Variants in MTAP observed in about 807,000 individuals in gnomAD.
MTAP encodes methylthioadenosine phosphorylase.
MTAP carries 33 observed loss-of-function variants against 33.6 expected under a neutral mutation model. That is an observed-to-expected ratio of 0.98 (90% CI 0.74 to 1.31). The LOEUF (loss-of-function observed/expected upper bound fraction) is 1.31. MTAP is among the 40% of genes most tolerant of loss of function. MTAP has a pLI of 0.00. For synonymous variants in MTAP, 148 were observed against 125.7 expected (o/e 1.18, Z -1.19); for missense variants, 367 against 360.0 (o/e 1.02, Z -0.16).
In MTAP at chr9:21,816,842, G is replaced by T; in HGVS notation, c.179+70G>T. ...TTAAATTTAACTTAAATTCTGGAAA[G>T]AGTAAAGATACAGGTCTGAGCTTTT... is the stretch of plus-strand genomic sequence containing the variant. On this transcript the variant is annotated intron_variant, in intron 3 of 7. Coordinates refer to ENST00000644715, the MANE Select transcript of MTAP (RefSeq NM_002451.4). 7.5e-6 allele frequency: 10 copies of T among 1,341,472 alleles called. No individual in the cohort carries two copies. In the Admixed American group the frequency reaches 1.7e-4, roughly 23 times the overall value. The allele number at this position is 1,341,472 out of a possible 1,614,324, so 83.1% of individuals were successfully genotyped here.
downstream of MTAP, among the ~76,000 whole-genome samples, chr9:21,870,379 G>T (rs957444549): frequency 6.6e-6 from 1 of 152,182 alleles, no homozygotes; most frequent in Non-Finnish European, 1.5e-5. Context: ...GTCATTTACT[G>T]ATATCCTAAA....
At chr9:21,812,545 A>G (rs1403232849) in intron 1 of MTAP, among the ~76,000 whole-genome samples, 2 of 152,204 alleles carry the variant, frequency 1.3e-5, no homozygotes, top group African/African-American at 4.8e-5. Context: ...TACACAGTCT[A>G]GAATTAACTG....
chr9:21,803,027 CACACACA>C, intron 1 of MTAP: 11 of 1,050,526 alleles, frequency 1.0e-5, no homozygotes, highest in African/African-American at 3.5e-5. Flanking sequence ...CACACACACA[CACACACA>C]CACCACCTTT....
At chr9:21,823,241 T>C (rs1824694042) in intron 4 of MTAP, among the ~76,000 whole-genome samples, 2 of 152,222 alleles carry the variant, frequency 1.3e-5, no homozygotes, top group African/African-American at 2.4e-5. Context: ...CTTTATATTT[T>C]GGCATGTTTT....
At chr9:21,920,620 A>G (rs1320572501) in intron 1 of MTAP, among the ~76,000 whole-genome samples, 1 of 152,154 alleles carries the variant, frequency 6.6e-6, no homozygotes, top group East Asian at 1.9e-4. Flanking sequence ...ACAATTCTCT[A>G]TGGATATTTT....
At chr9:21,873,927 A>C (rs575554660) in intron 1 of MTAP, among the ~76,000 whole-genome samples, 19 of 152,130 alleles carry the variant, frequency 1.2e-4, no homozygotes, top group Admixed American at 6.6e-4. Context: ...GGAATAAAAA[A>C]AATTTGATTA....
chr9:21,893,486 A>G (rs904856174), intron 1 of MTAP: 2 of 152,208 alleles, frequency 1.3e-5, no homozygotes, highest in Non-Finnish European at 2.9e-5. Context: ...GAAAAAATAA[A>G]TAAGATTGAA....
chr9:21,819,918 T>G (rs1788697687), intron 4 of MTAP, among the ~76,000 whole-genome samples: 1 of 152,382 alleles, frequency 6.6e-6, no homozygotes, highest in Non-Finnish European at 1.5e-5. Context: ...TTCATGTGTC[T>G]TTTGGCTGCA....
chr9:21,921,348 C>A (rs1818784602), intron 1 of MTAP, among the ~76,000 whole-genome samples: 2 of 151,878 alleles, frequency 1.3e-5, no homozygotes, highest in African/African-American at 4.8e-5. Flanking sequence ...TTCAAAAAAA[C>A]CTTTTTGTTG....
chr9:21,823,169 C>T (rs1011504678), intron 4 of MTAP, among the ~76,000 whole-genome samples: 1 of 152,140 alleles, frequency 6.6e-6, no homozygotes, highest in African/African-American at 2.4e-5. Context: ...GATCCTGTCA[C>T]TATGATGTTA....
intron 5 of MTAP, among the ~76,000 whole-genome samples, chr9:21,851,793 A>G (rs1382868256): frequency 6.6e-6 from 1 of 152,182 alleles, no homozygotes; most frequent in African/African-American, 2.4e-5. Context: ...CAGCATGGCT[A>G]GGATATAAGC....
At chr9:21,857,462 T>C (rs1178520995) in intron 6 of MTAP, among the ~76,000 whole-genome samples, 1 of 152,194 alleles carries the variant, frequency 6.6e-6, no homozygotes, top group East Asian at 1.9e-4. Flanking sequence ...CTTAAGGAAA[T>C]AGAAAGATGT....
intron 1 of MTAP, among the ~76,000 whole-genome samples, chr9:21,874,649 C>T (rs899616391): frequency 6.6e-6 from 1 of 151,200 alleles, no homozygotes; most frequent in South Asian, 2.1e-4. Context: ...ACTCTGGACT[C>T]AGTTCCCAGA....
At chr9:21,937,874 TCAGGC>T (rs1211953114), downstream of MTAP, among the ~76,000 whole-genome samples, 1 of 152,198 alleles carries the variant, frequency 6.6e-6, no homozygotes, top group Non-Finnish European at 1.5e-5. Flanking sequence ...GCACAGTGGC[TCAGGC>T]CTGTAATTCT....
At chr9:21,918,923 C>G (rs956518462) in intron 1 of MTAP, among the ~76,000 whole-genome samples, 1 of 152,056 alleles carries the variant, frequency 6.6e-6, no homozygotes, top group Non-Finnish European at 1.5e-5. Flanking sequence ...TGAGAACAGA[C>G]TAATAAAATG....
intron 1 of MTAP, among the ~76,000 whole-genome samples, chr9:21,876,303 T>C (rs1490359448): frequency 6.6e-6 from 1 of 152,198 alleles, no homozygotes; most frequent in African/African-American, 2.4e-5. Flanking sequence ...AAATATTTTC[T>C]CCCATTCTAT....
intron 1 of MTAP, among the ~76,000 whole-genome samples, chr9:21,920,624 A>T (rs941145823): frequency 6.6e-6 from 1 of 152,172 alleles, no homozygotes; most frequent in Admixed American, 6.5e-5. Flanking sequence ...TTCTCTATGG[A>T]TATTTTCACC....
At chr9:21,804,559 A>G (rs967944104) in intron 1 of MTAP, among the ~76,000 whole-genome samples, 1 of 152,200 alleles carries the variant, frequency 6.6e-6, no homozygotes, top group African/African-American at 2.4e-5. Flanking sequence ...TTCTCTTTTA[A>G]TTTAGAACAG....
At chr9:21,888,191 A>G (rs911420979) in intron 1 of MTAP, among the ~76,000 whole-genome samples, 1 of 152,200 alleles carries the variant, frequency 6.6e-6, no homozygotes, top group Admixed American at 6.5e-5. Context: ...AGAGTACTTG[A>G]TATAATTTTG....
Sources: gnomAD v4.1 joint callset for allele counts (sites outside exome capture counted in the v4.1 genomes callset) on GRCh38, gnomAD v4.1.1 for gene constraint, MANE v1.5 for transcripts, NCBI Gene and HGNC (gene_info 2026-07-23, HGNC 2026-07-21) for gene names.